Variants in LAMB4 observed in about 807,000 individuals in gnomAD.
The protein encoded by LAMB4 is laminin subunit beta-4.
LAMB4 carries 196 observed loss-of-function variants against 199.2 expected under a neutral mutation model. That is an observed-to-expected ratio of 0.98 (90% CI 0.88 to 1.11). LAMB4 has a LOEUF of 1.11. Ranked by LOEUF, LAMB4 falls within the 50% of genes least tolerant of loss-of-function variation. The probability of loss-of-function intolerance (pLI) is 0.00; values close to 1 mark genes in which losing one functional copy is unlikely to be tolerated. For synonymous variants in LAMB4, 744 were observed against 770.6 expected (o/e 0.97, Z 0.57); for missense variants, 2,080 against 2,171.2 (o/e 0.96, Z 0.83).
At chr7:108,096,619 T>G (rs2037608644) in intron 11 of LAMB4, among the ~76,000 whole-genome samples, 1 of 152,018 alleles carries the variant, frequency 6.6e-6, no homozygotes, top group South Asian at 2.1e-4. Flanking sequence ...AATTGTATGG[T>G]ATGTAAATTA....
chr7:108,079,533 A>G, intron 15 of LAMB4, 68 bp downstream of exon 15: 1 of 1,296,570 alleles, frequency 7.7e-7, no homozygotes, highest in Non-Finnish European at 1.1e-6. Context: ...GCAAGGCTGA[A>G]ATGGAAACAG....
chr7:108,078,280 G>C lies in LAMB4; in HGVS notation c.1924C>G (p.Pro642Ala). ...ATGCAGTGCTCACTCCCTCCAGGGG[G>C]GTTCACCACAATCTGGACAGTCCAG... The part of the protein sequence containing the change: ...ADWTVQIVVN[P>A]PGGSEHCIPK... Residue 642 changes from proline to alanine, a missense_variant, in exon 16 of 34, where the codon CCC (proline) becomes GCC (alanine). Pro to Ala is a conservative substitution (Grantham distance 27). Transcript: ENST00000388781. 3 of 1,610,132 alleles carry C rather than the reference G, an allele frequency of 1.9e-6. No individual in the cohort carries two copies. The highest frequency in any genetic ancestry group is 2.5e-6 in the Non-Finnish European group (3 of 1,178,362).
chr7:108,126,639 A>T (rs2038796282), intron 1 of LAMB4, among the ~76,000 whole-genome samples: 1 of 126,218 alleles, frequency 7.9e-6, no homozygotes, highest in South Asian at 2.5e-4. Flanking sequence ...ATCTCGGCTC[A>T]CTGCAAGCTC....
rs1563024601 is a variant in LAMB4 at position 108,025,390 on chromosome 7, T to TTCTTTCTTTCTTTCTTTCCTTTCTTTC, written c.5147-1213_5147-1212insGAAAGAAAGGAAAGAAAGAAAGAAAGA. ...TCTTTCTTTCTTTCTTTTCTTTTCT[T>TTCTTTCTTTCTTTCTTTCCTTTCTTTC]TTCTTTCTTTCTTTCTTTCTTTCTT... On this transcript the variant is annotated intron_variant, in intron 33 of 33. Transcript: ENST00000388781. Among the ~76,000 whole-genome samples, 5 of 56,754 alleles carry TTCTTTCTTTCTTTCTTTCCTTTCTTTC rather than the reference T, an allele frequency of 8.8e-5. No individual in the cohort carries two copies. The African/African-American group carries it at 8.9e-4, about 10-fold the overall frequency. The allele number at this position is 56,754 out of a possible 152,430, so 37.2% of individuals were successfully genotyped here.
At chr7:108,077,125 T>C (rs1254722694) in intron 16 of LAMB4, 61 bp from the exon 17 acceptor site, 2 of 1,546,650 alleles carry the variant, frequency 1.3e-6, no homozygotes, top group Non-Finnish European at 1.8e-6. Context: ...ATTAGCTAAA[T>C]GGCCATAGTA....
intron 14 of LAMB4, among the ~76,000 whole-genome samples, chr7:108,082,540 A>G (rs1318522223): frequency 1.3e-5 from 2 of 152,170 alleles, no homozygotes; most frequent in African/African-American, 4.8e-5. Context: ...ATAGGGACAT[A>G]TGTGGGTCAG....
Position 108,107,698 on chromosome 7 carries a change from G to A in LAMB4, c.524C>T (p.Ala175Val). The change falls in exon 6 of 34, where the codon GCC (alanine) becomes GTC (valine). Residue 175 changes from alanine (A) to valine (V), a missense_variant. Transcript: ENST00000388781. ...TSFPNITSGQ[A>V]QGVGDIVCDS... is the part of the protein sequence containing the mutation. ...ACAAACAATGTCTCCCACTCCCTGG[G>A]CCTGGCCAGATGTGATGTTAGGAAA... 1 of 1,613,578 alleles carries A rather than the reference G, an allele frequency of 6.2e-7. No homozygotes were observed.
the LAMB4 span, among the ~76,000 whole-genome samples, chr7:108,014,014 A>G: frequency 6.6e-6 from 1 of 152,248 alleles, no homozygotes; most frequent in African/African-American, 2.4e-5. Flanking sequence ...AGGGCCACCC[A>G]GAAATTATTT....
At chr7:108,057,628 T>A (rs974649201) in intron 24 of LAMB4, among the ~76,000 whole-genome samples, 4 of 152,218 alleles carry the variant, frequency 2.6e-5, no homozygotes, top group Non-Finnish European at 5.9e-5. Flanking sequence ...ATAGGCTAAA[T>A]TTTTAACATA....
intron 3 of LAMB4, among the ~76,000 whole-genome samples, chr7:108,113,237 C>G (rs1409492387): frequency 6.6e-6 from 1 of 152,138 alleles, no homozygotes; most frequent in Admixed American, 6.6e-5. Context: ...CTATATTATA[C>G]AGTTGTTGGT....
In LAMB4 at chr7:108,059,097, C is replaced by CTTT. The variant is rs57814646; in HGVS notation, c.3283-1172_3283-1170dup. 3.2e-4 allele frequency among the ~76,000 whole-genome samples: 35 copies of CTTT among 107,842 alleles called. 1 individual carries two copies. Among genetic ancestry groups the CTTT allele is most frequent in the South Asian group, 6.2e-4 (2 of 3,212 alleles). 70.7% of individuals were successfully genotyped at this position (107,842 alleles called of 152,430 possible). On this transcript the variant is annotated intron_variant, in intron 23 of 33. Coordinates refer to ENST00000388781, the MANE Select transcript of LAMB4 (RefSeq NM_007356.3). ...TCTTATACCGAAGTACAATCTGCCA[C>CTTT]TTTTTTTTTTTTTTTTTTTTTTTTT...
intron 28 of LAMB4, among the ~76,000 whole-genome samples, chr7:108,044,908 G>A (rs1316088303): frequency 6.0e-5 from 8 of 132,778 alleles, no homozygotes; most frequent in African/African-American, 1.5e-4. Context: ...AGCTGAGATC[G>A]CACCATTACA....
chr7:108,026,247 T>G (rs768706135), intron 33 of LAMB4, among the ~76,000 whole-genome samples: 3 of 152,222 alleles, frequency 2.0e-5, no homozygotes, highest in Non-Finnish European at 4.4e-5. Context: ...AAGTAGAATC[T>G]ACTTACCCTG....
intron 33 of LAMB4, among the ~76,000 whole-genome samples, chr7:108,028,782 A>C (rs577004068): frequency 6.6e-6 from 1 of 152,268 alleles, no homozygotes; most frequent in South Asian, 2.1e-4. Flanking sequence ...CAGCCAAAAA[A>C]GGGCATTTCA....
intron 1 of LAMB4, among the ~76,000 whole-genome samples, chr7:108,126,947 T>G (rs1023980199): frequency 1.3e-5 from 2 of 152,096 alleles, no homozygotes; most frequent in African/African-American, 4.8e-5. Context: ...CAGGCCCACC[T>G]CAAACTAATT....
chr7:108,123,861 CT>C (rs2038684733), intron 1 of LAMB4, among the ~76,000 whole-genome samples: 1 of 152,184 alleles, frequency 6.6e-6, no homozygotes, highest in South Asian at 2.1e-4. Context: ...ATAAAGCAAA[CT>C]TGTGATTTTC....
intron 1 of LAMB4, among the ~76,000 whole-genome samples, chr7:108,128,259 A>C (rs1363547214): frequency 6.6e-6 from 1 of 152,056 alleles, no homozygotes; most frequent in Admixed American, 6.5e-5. Context: ...AATAAACCCT[A>C]TGTCTTGTTC....
At chr7:108,082,746 GC>G (rs958070237) in intron 14 of LAMB4, among the ~76,000 whole-genome samples, 9 of 152,100 alleles carry the variant, frequency 5.9e-5, no homozygotes, top group Non-Finnish European at 1.2e-4. Flanking sequence ...TGTAAAATGA[GC>G]CCCCTGCCCC....
At position 108,067,250 on chromosome 7, in the gene LAMB4, G is replaced by C. The variant is rs540106795; in HGVS notation, c.2447-650C>G. On this transcript the variant is annotated intron_variant, in intron 19 of 33. Transcript: ENST00000388781. ...AAAGCAATGATGGATCCAATGATGG[G>C]CTGGGTAGGTGGCCATGCCCAAGCA... Among the ~76,000 whole-genome samples, 68 of 152,334 alleles carry C rather than the reference G, an allele frequency of 4.5e-4. 1 individual carries two copies. In the South Asian group the frequency reaches 0.013, roughly 30 times the overall value.
Sources: allele counts gnomAD v4.1 joint callset (sites outside exome capture counted in the v4.1 genomes callset), GRCh38; gene constraint gnomAD v4.1.1; transcripts MANE v1.5; gene names NCBI Gene and HGNC (gene_info 2026-07-23, HGNC 2026-07-21).